The following TANC2 variants were observed in gnomAD, a reference collection of about 807,000 sequenced individuals.
TANC2 encodes protein TANC2.
TANC2 carries 26 observed loss-of-function variants against 210.5 expected under a neutral mutation model. The observed-to-expected ratio is 0.12, with a 90% CI of 0.09 to 0.17. The LOEUF (loss-of-function observed/expected upper bound fraction) is 0.17. Among genes scored for constraint, TANC2 ranks in the 10% least tolerant of loss-of-function variants. The probability of loss-of-function intolerance (pLI) is 1.00; values close to 1 mark genes in which losing one functional copy is unlikely to be tolerated. For synonymous variants in TANC2, 931 were observed against 967.1 expected (o/e 0.96, Z 0.69); for missense variants, 2,129 against 2,608.9 (o/e 0.82, Z 4.01).
At chr17:63,055,983 AAAAAAAAATAT>A (rs1428026607) in intron 2 of TANC2, among the ~76,000 whole-genome samples, 9 of 22,220 alleles carry the variant, frequency 4.1e-4, no homozygotes, top group Admixed American at 2.1e-3. Flanking sequence ...AAAAAAAAAA[AAAAAAAAATAT>A]ATATATATAT....
At chr17:63,388,587 C>CT (rs763403033) in intron 15 of TANC2, 48 bp from the exon 16 acceptor site, 71 of 1,555,820 alleles carry the variant, frequency 4.6e-5, no homozygotes, top group Middle Eastern at 3.4e-4. Flanking sequence ...ACTGATGCTA[C>CT]TTTTTTTTGC....
At chr17:63,363,246 A>G (rs1312528826) in intron 14 of TANC2, among the ~76,000 whole-genome samples, 1 of 152,120 alleles carries the variant, frequency 6.6e-6, no homozygotes, top group Non-Finnish European at 1.5e-5. Context: ...CTCTTTATAT[A>G]TTCTGGTTAT....
intron 26 of TANC2, among the ~76,000 whole-genome samples, chr17:63,417,752 A>G (rs1025812633): frequency 6.6e-6 from 1 of 152,122 alleles, no homozygotes; most frequent in African/African-American, 2.4e-5. Context: ...GGGGTTATGA[A>G]GCTGGTCAGA....
intron 17 of TANC2, chr17:63,390,004 A>T: frequency 5.3e-6 from 1 of 188,876 alleles, no homozygotes; most frequent in Non-Finnish European, 1.1e-5. Flanking sequence ...CTTGAAGACC[A>T]CCACTCTAGA....
chr17:62,989,428 T>A (rs2032742306), intron 1 of TANC2, among the ~76,000 whole-genome samples: 1 of 152,204 alleles, frequency 6.6e-6, no homozygotes, highest in Admixed American at 6.5e-5. Context: ...TTTTTTGCTG[T>A]GTTAGTGTGT....
chr17:63,063,311 A>G lies in TANC2; in HGVS notation c.68-10632A>G, dbSNP rs143974485. Among the ~76,000 whole-genome samples the G allele has an allele frequency of 4.0e-3, 615 of 152,192 alleles. 5 individuals carry two copies. The highest frequency in any genetic ancestry group is 0.014 in the African/African-American group (596 of 41,522). ...TTTATGGCGGCTTCGTCACGTAGGCATGTTGGACTGTTAATTAAATCTCTA... is the reference window on the plus strand; with the variant it reads ...TTTATGGCGGCTTCGTCACGTAGGCGTGTTGGACTGTTAATTAAATCTCTA... On this transcript the variant is annotated intron_variant, in intron 2 of 27. Transcript: ENST00000689528.
intron 2 of TANC2, among the ~76,000 whole-genome samples, chr17:63,039,454 T>C (rs1000263326): frequency 6.6e-6 from 1 of 152,214 alleles, no homozygotes; most frequent in African/African-American, 2.4e-5. Context: ...AGTTGCAGGC[T>C]GCAGCTGGAG....
exon 28 of TANC2, chr17:63,425,388 A>G (rs2049118571): frequency 6.6e-6 from 1 of 152,214 alleles, no homozygotes; most frequent in Non-Finnish European, 1.5e-5. Context: ...AGTCCTTAAT[A>G]TTGTATAGTA....
At chr17:63,279,622 A>G (rs2044000082) in intron 9 of TANC2, among the ~76,000 whole-genome samples, 2 of 152,094 alleles carry the variant, frequency 1.3e-5, no homozygotes, top group South Asian at 4.2e-4. Flanking sequence ...CTGAAACCCC[A>G]TGCTTTTATA....
intron 14 of TANC2, among the ~76,000 whole-genome samples, chr17:63,370,419 C>T (rs2047233355): frequency 1.3e-5 from 2 of 152,028 alleles, no homozygotes; most frequent in Non-Finnish European, 2.9e-5. Flanking sequence ...ACCTCGTGAT[C>T]CGCCCGCCTC....
intron 14 of TANC2, among the ~76,000 whole-genome samples, chr17:63,363,318 A>G (rs534081635): frequency 6.6e-6 from 1 of 152,160 alleles, no homozygotes; most frequent in African/African-American, 2.4e-5. Flanking sequence ...TTGTCTCTTC[A>G]CTTTGTTGTT....
chr17:63,048,964 A>G (rs909498557), intron 2 of TANC2, among the ~76,000 whole-genome samples: 4 of 152,158 alleles, frequency 2.6e-5, no homozygotes, highest in Non-Finnish European at 2.9e-5. Context: ...AGATAAGGAG[A>G]GTAAGTCAGA....
chr17:63,127,180 C>CT (rs1235089507), intron 4 of TANC2, among the ~76,000 whole-genome samples: 1 of 152,254 alleles, frequency 6.6e-6, no homozygotes, highest in African/African-American at 2.4e-5. Context: ...TACTAAATGT[C>CT]TAATATTTTC....
intron 14 of TANC2, among the ~76,000 whole-genome samples, chr17:63,370,898 C>T (rs1053756520): frequency 3.9e-5 from 6 of 152,256 alleles, no homozygotes; most frequent in South Asian, 2.1e-4. Context: ...CACTTGAATG[C>T]GAGGTCCCTG....
At chr17:63,209,150 C>T (rs1461422128) in intron 7 of TANC2, among the ~76,000 whole-genome samples, 1 of 152,010 alleles carries the variant, frequency 6.6e-6, no homozygotes, top group Non-Finnish European at 1.5e-5. Context: ...TCTGGGACTA[C>T]AGGCGCATGC....
chr17:63,088,462 C>T (rs950600279), intron 3 of TANC2: 1 of 152,190 alleles, frequency 6.6e-6, no homozygotes, highest in Admixed American at 6.5e-5. Context: ...AGTTCCTGCT[C>T]AAGACTTTCC....
In TANC2 at chr17:63,003,784, T is replaced by A. The variant is rs548183774; in HGVS notation, c.-23-5753T>A. Among the ~76,000 whole-genome samples the A allele has an allele frequency of 2.0e-5, 3 of 152,354 alleles. No individual in the cohort carries two copies. In the East Asian group the frequency reaches 5.8e-4, roughly 29 times the overall value. On this transcript the variant is annotated intron_variant, in intron 1 of 27. Coordinates refer to ENST00000689528, the Ensembl canonical transcript of TANC2. ...TTAATGTTATCTTAGCAGATGTTTT[T>A]AAATTTTTAATAACCTCCAAATATA...
At chr17:63,116,711 C>T (rs2038264809) in intron 4 of TANC2, among the ~76,000 whole-genome samples, 1 of 152,044 alleles carries the variant, frequency 6.6e-6, no homozygotes, top group Non-Finnish European at 1.5e-5. Flanking sequence ...TGATGCATAC[C>T]ATCTGAATGA....
intron 12 of TANC2, among the ~76,000 whole-genome samples, chr17:63,349,801 A>AC (rs35366468): frequency 6.6e-6 from 1 of 151,098 alleles, no homozygotes; most frequent in Admixed American, 6.6e-5. Context: ...CATAACACCC[A>AC]CCCCCCTCGT....
Sources: gnomAD v4.1 joint callset for allele counts (sites outside exome capture counted in the v4.1 genomes callset) on GRCh38, gnomAD v4.1.1 for gene constraint, MANE v1.5 for transcripts, NCBI Gene and HGNC (gene_info 2026-07-23, HGNC 2026-07-21) for gene names.